The following MIGA1 variants were observed in gnomAD, a reference collection of about 807,000 sequenced individuals.
MIGA1 encodes the protein mitoguardin 1, also known as family with sequence similarity 73, member A.
In MIGA1, 58 loss-of-function variants were observed where a neutral mutation model predicts 82.0. The ratio of observed to expected loss-of-function variants is 0.71; its 90% confidence interval spans 0.57 to 0.88. The LOEUF is 0.88. Ranked by LOEUF, MIGA1 falls within the 40% of genes least tolerant of loss-of-function variation. The pLI, the probability that MIGA1 is intolerant of heterozygous loss-of-function variation, is 0.00. For missense variants in MIGA1, 751 were observed against 749.1 expected, an observed-to-expected ratio of 1.00 and a Z score of -0.03; for synonymous variants, 249 against 253.6, an observed-to-expected ratio of 0.98 and a Z score of 0.17.
At chr1:77,814,113 T>C (rs928930755) in intron 6 of MIGA1, among the ~76,000 whole-genome samples, 2 of 152,054 alleles carry the variant, frequency 1.3e-5, no homozygotes, top group African/African-American at 4.8e-5. Flanking sequence ...GGTCTCGAAC[T>C]CCTGGCCTCA....
intron 13 of MIGA1, among the ~76,000 whole-genome samples, chr1:77,864,459 T>G (rs1377229018): frequency 1.3e-5 from 2 of 151,918 alleles, no homozygotes; most frequent in Non-Finnish European, 2.9e-5. Flanking sequence ...GTGGATCATT[T>G]GAGGTCAGGA....
chr1:77,817,718 C>G (rs1683625262), intron 7 of MIGA1, among the ~76,000 whole-genome samples: 1 of 152,144 alleles, frequency 6.6e-6, no homozygotes, highest in African/African-American at 2.4e-5. Context: ...TCAGTTAACT[C>G]TCCTCATTCT....
intron 8 of MIGA1, 116 bp from the exon 9 acceptor site, chr1:77,858,822 G>A (rs922055848): frequency 1.6e-6 from 1 of 628,872 alleles, no homozygotes; most frequent in Non-Finnish European, 2.8e-6. Context: ...GTCTTACCAT[G>A]TTACCCAGGC....
intron 7 of MIGA1, among the ~76,000 whole-genome samples, chr1:77,820,106 CTTTT>C (rs59328443): frequency 7.8e-6 from 1 of 127,934 alleles, no homozygotes. Context: ...TTGTGTAGAT[CTTTT>C]TTTTTTTTTT....
intron 6 of MIGA1, 36 bp from the exon 7 acceptor site, chr1:77,815,072 T>G: frequency 7.3e-7 from 1 of 1,366,862 alleles, no homozygotes; most frequent in Non-Finnish European, 9.8e-7. Context: ...AACATTAGAA[T>G]TTAATTTGTT....
intron 15 of MIGA1, 70 bp from the exon 16 acceptor site, chr1:77,874,776 T>C (rs776875623): frequency 7.4e-6 from 8 of 1,074,432 alleles, no homozygotes; most frequent in African/African-American, 1.6e-5. Flanking sequence ...GTGCTCATTA[T>C]AATATTAGAA....
intron 13 of MIGA1, among the ~76,000 whole-genome samples, chr1:77,865,836 T>C (rs1284745339): frequency 6.6e-6 from 1 of 152,082 alleles, no homozygotes; most frequent in African/African-American, 2.4e-5. Context: ...TTGCTCATGA[T>C]TTAAAAATTT....
intron 7 of MIGA1, among the ~76,000 whole-genome samples, chr1:77,831,896 C>T (rs553303726): frequency 1.3e-5 from 2 of 152,088 alleles, no homozygotes; most frequent in East Asian, 3.8e-4. Context: ...AAAGTAAACC[C>T]GATTAACAAC....
intron 14 of MIGA1, among the ~76,000 whole-genome samples, chr1:77,870,661 T>C (rs1467549570): frequency 2.0e-5 from 3 of 150,926 alleles, no homozygotes; most frequent in Non-Finnish European, 4.4e-5. Flanking sequence ...GCAGAGACGC[T>C]CCTCACTTCC....
chr1:77,820,835 A>G (rs1040835356), intron 7 of MIGA1, among the ~76,000 whole-genome samples: 2 of 152,170 alleles, frequency 1.3e-5, no homozygotes, highest in African/African-American at 2.4e-5. Flanking sequence ...ATGTTGAACT[A>G]TAAATTCTGG....
intron 2 of MIGA1, among the ~76,000 whole-genome samples, chr1:77,787,101 G>A (rs1682194780): frequency 6.6e-6 from 1 of 152,164 alleles, no homozygotes; most frequent in Non-Finnish European, 1.5e-5. Flanking sequence ...AATGAAATGG[G>A]TTTCCCCTTA....
intron 14 of MIGA1, among the ~76,000 whole-genome samples, chr1:77,869,658 C>T (rs1348169783): frequency 1.2e-3 from 149 of 126,704 alleles, no homozygotes; most frequent in African/African-American, 4.6e-3. Context: ...GGCAGAGGCG[C>T]CCCTCACCTC....
intron 7 of MIGA1, among the ~76,000 whole-genome samples, chr1:77,835,934 C>T (rs553208749): frequency 3.3e-5 from 5 of 150,758 alleles, no homozygotes; most frequent in Admixed American, 2.0e-4. Context: ...GGCAACAGAG[C>T]GAGACTCTGT....
chr1:77,852,267 C>CA (rs1685084691), intron 8 of MIGA1, among the ~76,000 whole-genome samples: 2 of 152,114 alleles, frequency 1.3e-5, no homozygotes, highest in African/African-American at 4.8e-5. Flanking sequence ...TTTGTTTTGA[C>CA]AGTGGTACAA....
At chr1:77,817,488 T>C (rs1485487344) in intron 7 of MIGA1, among the ~76,000 whole-genome samples, 1 of 152,228 alleles carries the variant, frequency 6.6e-6, no homozygotes, top group African/African-American at 2.4e-5. Context: ...ACTAGACTGA[T>C]GTGCTTTTCT....
intron 13 of MIGA1, 103 bp from the exon 14 acceptor site, chr1:77,866,235 G>T: frequency 9.8e-7 from 1 of 1,016,388 alleles, no homozygotes; most frequent in Non-Finnish European, 1.5e-6. Flanking sequence ...TATTAGTAAT[G>T]AATGTATTGA....
At chr1:77,782,966 A>T (rs1681989119) in intron 1 of MIGA1, 6 of 776,034 alleles carry the variant, frequency 7.7e-6, no homozygotes, top group Non-Finnish European at 9.4e-6. Context: ...CAATTTCCTA[A>T]GGAAAATTTG....
intron 7 of MIGA1, among the ~76,000 whole-genome samples, chr1:77,835,990 T>A (rs1317316316): frequency 1.3e-5 from 2 of 151,916 alleles, no homozygotes; most frequent in African/African-American, 4.8e-5. Flanking sequence ...ACGTAAGAAA[T>A]TTAACAGGGT....
chr1:77,870,768 C>T (rs1426885750), intron 14 of MIGA1, among the ~76,000 whole-genome samples: 4 of 150,480 alleles, frequency 2.7e-5, no homozygotes, highest in African/African-American at 7.3e-5. Context: ...GCCGAGATCA[C>T]GCCACTGCAC....
Sources: gnomAD v4.1 joint callset for allele counts (sites outside exome capture counted in the v4.1 genomes callset) on GRCh38, gnomAD v4.1.1 for gene constraint, MANE v1.5 for transcripts, NCBI Gene and HGNC (gene_info 2026-07-23, HGNC 2026-07-21) for gene names.